The following SCNN1B variants were observed in gnomAD, a reference collection of about 807,000 sequenced individuals.
SCNN1B encodes the protein sodium channel epithelial 1 subunit beta, also known as epithelial sodium channel subunit beta.
Under a neutral mutation model 65.3 loss-of-function variants are expected in SCNN1B, and 46 were observed. The observed-to-expected ratio is 0.70, with a 90% CI of 0.56 to 0.90. SCNN1B has a LOEUF of 0.90. Ranked by LOEUF, SCNN1B falls within the 40% of genes least tolerant of loss-of-function variation. SCNN1B has a pLI of 0.00. For synonymous variants in SCNN1B, 349 were observed against 330.6 expected, an observed-to-expected ratio of 1.06 and a Z score of -0.60; for missense variants, 751 against 830.5, an observed-to-expected ratio of 0.90 and a Z score of 1.18.
intron 2 of SCNN1B, among the ~76,000 whole-genome samples, chr16:23,284,096 G>A (rs1296804697): frequency 1.3e-5 from 2 of 152,164 alleles, no homozygotes; most frequent in African/African-American, 2.4e-5. Context: ...CTTGGGAAAT[G>A]TACCTTGCAT....
intron 5 of SCNN1B, 134 bp downstream of exon 5, chr16:23,368,093 G>A (rs544336395): frequency 7.6e-6 from 6 of 787,152 alleles, no homozygotes; most frequent in East Asian, 2.5e-5. Context: ...GGCTGCTACC[G>A]AGGCTCTACT....
intron 4 of SCNN1B, among the ~76,000 whole-genome samples, chr16:23,365,618 A>AGAGAGAG (rs1567313760): frequency 7.7e-5 from 5 of 64,566 alleles, no homozygotes; most frequent in South Asian, 6.4e-4. Context: ...AGAAAGAAAG[A>AGAGAGAG]AAAAAGAAAG....
chr16:23,306,098 C>T (rs1394466778), intron 1 of SCNN1B, among the ~76,000 whole-genome samples: 7 of 152,100 alleles, frequency 4.6e-5, no homozygotes, highest in African/African-American at 1.4e-4. Flanking sequence ...CAGAAATTAG[C>T]TGGGCATGGT....
At chr16:23,367,593 C>T (rs1232090049) in intron 4 of SCNN1B, among the ~76,000 whole-genome samples, 2 of 152,222 alleles carry the variant, frequency 1.3e-5, no homozygotes, top group African/African-American at 4.8e-5. Flanking sequence ...CCACCACGCC[C>T]GGCCAGAAAG....
At chr16:23,362,161 A>T (rs1342081606) in intron 4 of SCNN1B, among the ~76,000 whole-genome samples, 3 of 152,170 alleles carry the variant, frequency 2.0e-5, no homozygotes, top group South Asian at 4.1e-4. Context: ...TCTGGCCAAC[A>T]TGGCAAAACC....
intron 4 of SCNN1B, among the ~76,000 whole-genome samples, chr16:23,365,658 G>A (rs1470047263): frequency 2.0e-5 from 3 of 152,042 alleles, no homozygotes; most frequent in African/African-American, 7.2e-5. Flanking sequence ...GAGGGGGGTT[G>A]ATAGGATTCC....
chr16:23,320,672 G>A (rs937639361), intron 1 of SCNN1B, among the ~76,000 whole-genome samples: 1 of 152,174 alleles, frequency 6.6e-6, no homozygotes, highest in Non-Finnish European at 1.5e-5. Flanking sequence ...GTTTACAGCC[G>A]AGGCCCCCTC....
intron 1 of SCNN1B, among the ~76,000 whole-genome samples, chr16:23,338,344 T>C (rs1444291745): frequency 6.6e-6 from 1 of 152,184 alleles, no homozygotes; most frequent in Non-Finnish European, 1.5e-5. Context: ...GCTGTGGCTG[T>C]TACACCTGGC....
chr16:23,367,785 G>A, intron 4 of SCNN1B, 71 bp from the exon 5 acceptor site: 1 of 1,191,682 alleles, frequency 8.4e-7, no homozygotes, highest in South Asian at 1.2e-5. Flanking sequence ...AATGAAAGGT[G>A]GACGGCAGAC....
intron 1 of SCNN1B, among the ~76,000 whole-genome samples, chr16:23,317,357 C>T (rs1463067908): frequency 7.9e-5 from 12 of 152,218 alleles, no homozygotes; most frequent in Non-Finnish European, 1.8e-4. Flanking sequence ...GTTGGTAGTT[C>T]CCAGCAGCTC....
At chr16:23,318,156 A>G (rs1459517309) in intron 1 of SCNN1B, among the ~76,000 whole-genome samples, 2 of 152,146 alleles carry the variant, frequency 1.3e-5, no homozygotes, top group East Asian at 3.8e-4. Flanking sequence ...TCCTTAATAT[A>G]GATTATCAGG....
At chr16:23,325,366 A>G (rs1850125523) in intron 1 of SCNN1B, among the ~76,000 whole-genome samples, 1 of 151,822 alleles carries the variant, frequency 6.6e-6, no homozygotes, top group African/African-American at 2.4e-5. Context: ...TCCCAGGTTC[A>G]AGTGACTCTC....
chr16:23,307,029 A>G (rs1961233685), intron 1 of SCNN1B, among the ~76,000 whole-genome samples: 1 of 152,196 alleles, frequency 6.6e-6, no homozygotes, highest in Non-Finnish European at 1.5e-5. Flanking sequence ...CTGAGGCTCA[A>G]GAAGAGTAAA....
intron 2 of SCNN1B, among the ~76,000 whole-genome samples, chr16:23,285,616 C>T (rs1272487286): frequency 6.6e-6 from 1 of 151,948 alleles, no homozygotes; most frequent in Non-Finnish European, 1.5e-5. Context: ...AAGACTCTAT[C>T]TGTACAGAAA....
At chr16:23,279,884 C>A (rs993179819) in intron 1 of SCNN1B, among the ~76,000 whole-genome samples, 21 of 152,254 alleles carry the variant, frequency 1.4e-4, no homozygotes, top group Middle Eastern at 3.4e-3. Flanking sequence ...CCCTGGAGAA[C>A]AACAGCTGAC....
At chr16:23,334,744 C>T (rs13336504) in intron 1 of SCNN1B, among the ~76,000 whole-genome samples, 8,838 of 152,248 alleles carry the variant, frequency 0.058, 876 homozygotes, top group African/African-American at 0.2. Flanking sequence ...ACTGTGCACA[C>T]GTGTGTGCAT....
chr16:23,362,957 G>A (rs542610383), intron 4 of SCNN1B, among the ~76,000 whole-genome samples: 3 of 152,268 alleles, frequency 2.0e-5, no homozygotes, highest in South Asian at 4.1e-4. Context: ...CTTTGCCTGT[G>A]TTGTGTCCCT....
intron 10 of SCNN1B, among the ~76,000 whole-genome samples, 184 bp downstream of exon 10, chr16:23,377,570 T>TGC: frequency 3.3e-5 from 1 of 30,170 alleles, no homozygotes; most frequent in African/African-American, 1.0e-4. Context: ...TCCTCCTCTC[T>TGC]TTTCCCTTCC....
intron 6 of SCNN1B, 87 bp from the exon 7 acceptor site, chr16:23,371,689 T>TG: frequency 3.3e-6 from 4 of 1,212,408 alleles, no homozygotes; most frequent in Non-Finnish European, 4.9e-6. Flanking sequence ...CACAGCCCTC[T>TG]GTCCCCAAAT....
Sources: gnomAD v4.1 joint callset for allele counts (sites outside exome capture counted in the v4.1 genomes callset) on GRCh38, gnomAD v4.1.1 for gene constraint, MANE v1.5 for transcripts, NCBI Gene and HGNC (gene_info 2026-07-23, HGNC 2026-07-21) for gene names.